Variants in PIP4K2A observed in about 807,000 individuals in gnomAD.
PIP4K2A encodes the protein phosphatidylinositol 5-phosphate 4-kinase type-2 alpha.
In PIP4K2A, 14 loss-of-function variants were observed where a neutral mutation model predicts 42.9. The ratio of observed to expected loss-of-function variants is 0.33; its 90% CI spans 0.22 to 0.51. The LOEUF (loss-of-function observed/expected upper bound fraction) is 0.51. Ranked by LOEUF, PIP4K2A falls within the 20% of genes least tolerant of loss-of-function variation. PIP4K2A has a pLI of 0.97. For missense variants in PIP4K2A, 434 were observed against 519.8 expected, an observed-to-expected ratio of 0.83 and a Z score of 1.61; for synonymous variants, 192 against 192.2, an observed-to-expected ratio of 1.00 and a Z score of 0.01.
chr10:22,658,514 C>T (rs1455963323), intron 1 of PIP4K2A, among the ~76,000 whole-genome samples: 1 of 152,164 alleles, frequency 6.6e-6, no homozygotes, highest in African/African-American at 2.4e-5. Flanking sequence ...GGATAATAGG[C>T]TTAAACTACC....
intron 6 of PIP4K2A, among the ~76,000 whole-genome samples, chr10:22,559,650 A>AT (rs879758098): frequency 2.6e-5 from 4 of 152,040 alleles, no homozygotes; most frequent in African/African-American, 9.7e-5. Context: ...TGAACAGAAC[A>AT]TTTTTTTCCC....
chr10:22,668,411 GCA>G (rs1459016515), intron 1 of PIP4K2A, among the ~76,000 whole-genome samples: 1 of 152,132 alleles, frequency 6.6e-6, no homozygotes, highest in Non-Finnish European at 1.5e-5. Flanking sequence ...TGGCTAAGTA[GCA>G]CAGTGTTTTT....
intron 1 of PIP4K2A, among the ~76,000 whole-genome samples, chr10:22,647,077 A>C (rs895650048): frequency 6.6e-6 from 1 of 152,196 alleles, no homozygotes; most frequent in East Asian, 1.9e-4. Flanking sequence ...TTTTCAAAGA[A>C]AGATGGAAAG....
At chr10:22,616,314 C>CTAG (rs1028661246) in intron 1 of PIP4K2A, among the ~76,000 whole-genome samples, 17 of 152,098 alleles carry the variant, frequency 1.1e-4, no homozygotes, top group African/African-American at 3.9e-4. Flanking sequence ...ACGGCTCATG[C>CTAG]TAGGTGCACA....
intron 7 of PIP4K2A, among the ~76,000 whole-genome samples, chr10:22,548,270 C>T (rs934887930): frequency 3.3e-5 from 5 of 152,156 alleles, no homozygotes; most frequent in East Asian, 1.9e-4. Context: ...TCCATTTCAA[C>T]GAAACAGCTA....
At chr10:22,667,545 G>A (rs973749824) in intron 1 of PIP4K2A, among the ~76,000 whole-genome samples, 32 of 151,992 alleles carry the variant, frequency 2.1e-4, no homozygotes, top group African/African-American at 4.4e-4. Flanking sequence ...ATCGATAATC[G>A]TAAAAACAAA....
chr10:22,563,099 C>T (rs1836751836), intron 6 of PIP4K2A, among the ~76,000 whole-genome samples: 1 of 152,166 alleles, frequency 6.6e-6, no homozygotes, highest in Non-Finnish European at 1.5e-5. Flanking sequence ...GCACACTCTC[C>T]ATCATTTACC....
intron 3 of PIP4K2A, among the ~76,000 whole-genome samples, chr10:22,606,579 T>C (rs1837911898): frequency 6.6e-6 from 1 of 152,224 alleles, no homozygotes; most frequent in African/African-American, 2.4e-5. Context: ...CTGGAAATTT[T>C]TGGCAATGGT....
At chr10:22,546,090 C>T (rs964935641) in intron 7 of PIP4K2A, among the ~76,000 whole-genome samples, 4 of 152,220 alleles carry the variant, frequency 2.6e-5, no homozygotes, top group African/African-American at 9.6e-5. Flanking sequence ...ATTCAAGAAA[C>T]AAAGAGTCTG....
chr10:22,535,677 G>C lies in PIP4K2A; in HGVS notation c.*1524C>G, dbSNP rs529124056. The C allele has an allele frequency of 1.9e-5, 3 of 158,074 alleles. No individual in the cohort carries two copies. In the South Asian group the frequency reaches 6.2e-4, roughly 32 times the overall value. 9.8% of individuals were successfully genotyped at this position (158,074 alleles called of 1,614,324 possible). A position where few individuals can be genotyped will look rare whatever the true frequency, so the allele number is the denominator to read the frequency against. On this transcript the variant is annotated 3_prime_UTR_variant, in exon 10 of 10. Coordinates refer to ENST00000376573, the MANE Select transcript of PIP4K2A (RefSeq NM_005028.5). The stretch of plus-strand genomic sequence containing the variant: ...GGCATGGCTTTAGCGCAGCATGTAA[G>C]TGGATAACCTACTCTAAGCAAGACT...
chr10:22,640,584 C>T (rs1248943733), intron 1 of PIP4K2A, among the ~76,000 whole-genome samples: 2 of 152,146 alleles, frequency 1.3e-5, no homozygotes, highest in African/African-American at 4.8e-5. Context: ...CCCAGTGACC[C>T]GTGCAGAGCC....
At position 22,677,812 on chromosome 10, in the gene PIP4K2A, A is replaced by G. The variant is rs368844121; in HGVS notation, c.144+36371T>C. On this transcript the variant is annotated intron_variant, in intron 1 of 9. Transcript: ENST00000376573. ...AGATGCAGCTAAAATATAATCTAGC[A>G]TCTCAATCAGTCAGTAAGGTCCTAA... Among the ~76,000 whole-genome samples, 8 of 152,350 alleles carry G rather than the reference A, an allele frequency of 5.3e-5. No homozygotes were observed. In the East Asian group the frequency reaches 1.3e-3, roughly 26 times the overall value.
At chr10:22,679,403 A>G (rs73598592) in intron 1 of PIP4K2A, among the ~76,000 whole-genome samples, 1,926 of 152,346 alleles carry the variant, frequency 0.013, 32 homozygotes, top group African/African-American at 0.044. Context: ...TATAAGAAGA[A>G]GGACAGACAA....
chr10:22,598,678 G>A (rs556377170), intron 3 of PIP4K2A, among the ~76,000 whole-genome samples: 9 of 152,194 alleles, frequency 5.9e-5, no homozygotes, highest in African/African-American at 2.2e-4. Flanking sequence ...AGGGCTTTGC[G>A]TCCTCCCTCC....
intron 1 of PIP4K2A, among the ~76,000 whole-genome samples, chr10:22,713,227 C>G (rs540424912): frequency 6.6e-6 from 1 of 152,320 alleles, no homozygotes; most frequent in Admixed American, 6.5e-5. Flanking sequence ...TTCAGACCCT[C>G]GAACCGCAGT....
chr10:22,705,273 G>A (rs1429910503), intron 1 of PIP4K2A, among the ~76,000 whole-genome samples: 1 of 151,752 alleles, frequency 6.6e-6, no homozygotes, highest in Non-Finnish European at 1.5e-5. Context: ...GCTTTTCTCT[G>A]GCAAACATCA....
chr10:22,602,255 T>C (rs559099968), intron 3 of PIP4K2A, among the ~76,000 whole-genome samples: 8 of 151,706 alleles, frequency 5.3e-5, no homozygotes, highest in South Asian at 2.1e-4. Flanking sequence ...TAGCTGGGCA[T>C]AGTGGCACAT....
intron 4 of PIP4K2A, among the ~76,000 whole-genome samples, chr10:22,577,856 TCAATTGCAGAGATG>T: frequency 6.6e-6 from 1 of 152,290 alleles, no homozygotes; most frequent in South Asian, 2.1e-4. Flanking sequence ...AAACGCCCTC[TCAATTGCAGAGATG>T]CACGGTCTGG....
intron 1 of PIP4K2A, among the ~76,000 whole-genome samples, chr10:22,689,946 T>C (rs1839830155): frequency 6.6e-6 from 1 of 152,194 alleles, no homozygotes; most frequent in African/African-American, 2.4e-5. Flanking sequence ...TGAATAAGGC[T>C]GGAATGTACT....
Sources: gnomAD v4.1 joint callset for allele counts (sites outside exome capture counted in the v4.1 genomes callset) on GRCh38, gnomAD v4.1.1 for gene constraint, MANE v1.5 for transcripts, NCBI Gene and HGNC (gene_info 2026-07-23, HGNC 2026-07-21) for gene names.